Variants in RYR1 observed in about 807,000 individuals in gnomAD.
The protein encoded by RYR1 is central core disease of muscle.
In RYR1, 342 loss-of-function variants were observed where a neutral mutation model predicts 583.5. The observed-to-expected ratio is 0.59, with a 90% CI of 0.54 to 0.64. The LOEUF is 0.64. Ranked by LOEUF, RYR1 falls within the 30% of genes least tolerant of loss-of-function variation. The pLI is 0.00. For synonymous variants in RYR1, 2,791 were observed against 2,822.5 expected, an observed-to-expected ratio of 0.99 and a Z score of 0.35; for missense variants, 6,032 against 6,917.2, an observed-to-expected ratio of 0.87 and a Z score of 4.54.
At chr19:38,573,343 G>A (rs1973810868) in intron 96 of RYR1, 36 bp downstream of exon 96, 7 of 1,608,020 alleles carry the variant, frequency 4.4e-6, no homozygotes, top group South Asian at 1.1e-5. Context: ...GTGGCAGCAG[G>A]AGGGGACCTG....
At chr19:38,443,305 G>A (rs1475246512) in intron 3 of RYR1, among the ~76,000 whole-genome samples, 1 of 152,190 alleles carries the variant, frequency 6.6e-6, no homozygotes, top group Non-Finnish European at 1.5e-5. Context: ...AGGCAGCAGA[G>A]AGGACAGAGT....
chr19:38,524,531 A>T (rs1328110173), intron 70 of RYR1, among the ~76,000 whole-genome samples: 1 of 152,200 alleles, frequency 6.6e-6, no homozygotes, highest in Admixed American at 6.6e-5. Context: ...CAAAGTTGCC[A>T]GCCGGCGTGG....
chr19:38,525,213 A>C, intron 70 of RYR1, 119 bp from the exon 71 acceptor site: 1 of 1,160,140 alleles, frequency 8.6e-7, no homozygotes, highest in Non-Finnish European at 1.3e-6. Flanking sequence ...TGTCGTCGGC[A>C]GTTGGGGAGG....
intron 24 of RYR1, among the ~76,000 whole-genome samples, 197 bp downstream of exon 24, chr19:38,466,595 G>A (rs1293521680): frequency 1.3e-5 from 2 of 150,056 alleles, no homozygotes; most frequent in Non-Finnish European, 2.9e-5. Context: ...TCCACCTCCT[G>A]GGTTCACACC....
At chr19:38,581,682 T>C (rs572920844) in intron 101 of RYR1, among the ~76,000 whole-genome samples, 2 of 152,272 alleles carry the variant, frequency 1.3e-5, no homozygotes, top group South Asian at 4.1e-4. Flanking sequence ...TACTGCAACC[T>C]CTGTCTCTCA....
intron 78 of RYR1, among the ~76,000 whole-genome samples, chr19:38,533,914 G>A (rs1430914039): frequency 6.6e-6 from 1 of 151,860 alleles, no homozygotes; most frequent in African/African-American, 2.4e-5. Context: ...GACCAAAAGA[G>A]CAGAATTTGA....
At chr19:38,461,739 AAGAAAGG>A (rs1568456268) in intron 20 of RYR1, among the ~76,000 whole-genome samples, 1 of 140,434 alleles carries the variant, frequency 7.1e-6, no homozygotes. Flanking sequence ...AAAAAAAAAA[AAGAAAGG>A]GAGAGAGAGA....
chr19:38,440,687 C>T (rs1032507315), intron 1 of RYR1, 58 bp from the exon 2 acceptor site: 3 of 1,588,430 alleles, frequency 1.9e-6, no homozygotes, highest in Non-Finnish European at 2.6e-6. Context: ...CTGTGGTCTG[C>T]AGTATTTGTG....
In RYR1 at chr19:38,528,587, T is replaced by A. The variant is rs767711818; in HGVS notation, c.10938-12T>A. The A allele has an allele frequency of 5.0e-5, 80 of 1,613,600 alleles. 1 individual carries two copies. The Middle Eastern group carries it at 8.2e-4, about 17-fold the overall frequency. Reference sequence around the variant, plus strand: ...GGGCGCGTCCCAGTGACGTCACACCTCTCCCCTGCAGGCACCGGGCATGTA... The same window carrying A: ...GGGCGCGTCCCAGTGACGTCACACCACTCCCCTGCAGGCACCGGGCATGTA... On this transcript the variant is annotated splice_polypyrimidine_tract_variant and intron_variant, in intron 74 of 105. Coordinates refer to ENST00000359596, the MANE Select transcript of RYR1 (RefSeq NM_000540.3).
chr19:38,549,698 C>CTTTT (rs71165559), intron 89 of RYR1, among the ~76,000 whole-genome samples: 50 of 52,392 alleles, frequency 9.5e-4, no homozygotes, highest in Middle Eastern at 0.014. Flanking sequence ...CTTTCCTTTC[C>CTTTT]TTTTTTTTTT....
In RYR1 at chr19:38,463,837, G is replaced by A; in HGVS notation, c.2773G>A (p.Gly925Arg). 6.2e-7 allele frequency: 1 copy of A among 1,613,860 alleles called. No individual in the cohort carries two copies. The highest frequency in any genetic ancestry group is 8.5e-7 in the Non-Finnish European group (1 of 1,179,870). The change falls in exon 22 of 106, where the codon GGG becomes AGG. Residue 925 changes from glycine to arginine, a missense_variant. Around this residue, in one of 11 missense-constraint regions of RYR1, gnomAD observed 2,627 missense variants for 2,961.3 expected, o/e 0.89. Coordinates refer to ENST00000359596, the MANE Select transcript of RYR1 (RefSeq NM_000540.3). ...GAGGAACTACAACCTGCAGATGTCT[G>A]GGGAGACGCTCAAGTGAGGGCCCAG... Reference protein sequence around the residue: ...PERNYNLQMSGETLKTLLALG... With the variant: ...PERNYNLQMSRETLKTLLALG...
In RYR1 at chr19:38,459,190, G is replaced by T; in HGVS notation, c.2212G>T (p.Ala738Ser). The T allele has an allele frequency of 6.2e-7, 1 of 1,614,026 alleles. No individual in the cohort carries two copies. The highest frequency in any genetic ancestry group is 2.2e-5 in the East Asian group (1 of 44,882). Residue 738 changes from alanine to serine, a missense_variant, in exon 19 of 106, where the codon GCC (alanine) becomes TCC (serine). Coordinates refer to ENST00000359596, the MANE Select transcript of RYR1 (RefSeq NM_000540.3). ...GACTTCCCCAGGGCAGCACCTCCTG[G>T]CCCCTGAAGACGTGATCAGCTGCTG... ...PVTSPGQHLL[A>S]PEDVISCCLD...
intron 37 of RYR1, 113 bp from the exon 38 acceptor site, chr19:38,492,377 A>AT: frequency 2.6e-6 from 3 of 1,163,866 alleles, no homozygotes; most frequent in Non-Finnish European, 3.7e-6. Flanking sequence ...AAAAAAAAAA[A>AT]GGAAATGAAA....
chr19:38,445,834 A>G (rs930969883), intron 7 of RYR1, among the ~76,000 whole-genome samples: 1 of 152,042 alleles, frequency 6.6e-6, no homozygotes, highest in African/African-American at 2.4e-5. Context: ...TACTAAAAAT[A>G]CAAAAATTGG....
chr19:38,474,036 A>G (rs1968582519), intron 28 of RYR1, among the ~76,000 whole-genome samples: 1 of 152,222 alleles, frequency 6.6e-6, no homozygotes, highest in African/African-American at 2.4e-5. Context: ...GGAGGGCCCC[A>G]AAGGGCTTCG....
chr19:38,572,972 C>A (rs1040840903), intron 95 of RYR1, among the ~76,000 whole-genome samples: 1 of 151,650 alleles, frequency 6.6e-6, no homozygotes, highest in Middle Eastern at 3.4e-3. Flanking sequence ...GTGCCTCCCC[C>A]ATCCCTGCCC....
chr19:38,586,269 C>A, intron 104 of RYR1, 78 bp downstream of exon 104: 1 of 1,364,020 alleles, frequency 7.3e-7, no homozygotes, highest in African/African-American at 1.4e-5. Flanking sequence ...TTAGCTTTGG[C>A]CAGTTAGGAA....
chr19:38,514,282 ATTT>A (rs56826915), intron 63 of RYR1, among the ~76,000 whole-genome samples: 3 of 139,074 alleles, frequency 2.2e-5, no homozygotes, highest in Non-Finnish European at 1.5e-5. Context: ...TTTTTTTTTA[ATTT>A]TTTTTTTTTT....
At position 38,512,601 on chromosome 19, in the gene RYR1, A is replaced by G; in HGVS notation, c.9472+118A>G. 3 of 991,854 alleles carry G rather than the reference A, an allele frequency of 3.0e-6. No individual in the cohort carries two copies. In the South Asian group the frequency reaches 4.0e-5, roughly 13 times the overall value. The allele number at this position is 991,854 out of a possible 1,614,324, so 61.4% of individuals were successfully genotyped here. Reference sequence around the variant, plus strand: ...TGTGTGGATTTCTTGCTGTAAGCAAAGCATGCAGTCAGTACCTTGGCAGGT... The same window carrying G: ...TGTGTGGATTTCTTGCTGTAAGCAAGGCATGCAGTCAGTACCTTGGCAGGT... On this transcript the variant is annotated intron_variant, in intron 63 of 105. Transcript: ENST00000359596. This position sits in a 1 kb window ranked among gnomAD's most constrained non-coding sequence, Gnocchi z 5.1.
Sources: allele counts gnomAD v4.1 joint callset (sites outside exome capture counted in the v4.1 genomes callset), GRCh38; gene constraint gnomAD v4.1.1; regional missense constraint gnomAD v4.1.1; non-coding constraint Gnocchi (gnomAD v3.1); transcripts MANE v1.5; gene names NCBI Gene and HGNC (gene_info 2026-07-23, HGNC 2026-07-21).